The following SSBP2 variants were observed in gnomAD, a reference collection of about 807,000 sequenced individuals.
SSBP2 encodes single stranded DNA binding protein 2.
A neutral mutation model predicts 61.8 loss-of-function variants in SSBP2; 17 were observed. The ratio of observed to expected loss-of-function variants is 0.28; its 90% CI spans 0.19 to 0.41. SSBP2 has a LOEUF of 0.41. Among genes scored for constraint, SSBP2 ranks in the 10% least tolerant of loss-of-function variants. SSBP2 has a pLI of 1.00. For missense variants in SSBP2, 310 were observed against 458.7 expected, an observed-to-expected ratio of 0.68 and a Z score of 2.96; for synonymous variants, 139 against 141.3, an observed-to-expected ratio of 0.98 and a Z score of 0.12.
At chr5:81,442,532 A>G in intron 13 of SSBP2, 121 bp downstream of exon 13, 1 of 570,370 alleles carries the variant, frequency 1.8e-6, no homozygotes, top group Non-Finnish European at 3.1e-6. Flanking sequence ...TGACTTTTTG[A>G]ATATCTAATA....
At chr5:81,474,446 T>A in intron 7 of SSBP2, 50 bp downstream of exon 7, 1 of 1,509,560 alleles carries the variant, frequency 6.6e-7, no homozygotes, top group South Asian at 1.1e-5. Flanking sequence ...GATAAAAGAT[T>A]TCCTCTATGG....
In SSBP2 at chr5:81,707,467, G is replaced by A. The variant is rs535705129; in HGVS notation, c.62+43514C>T. On this transcript the variant is annotated intron_variant, in intron 1 of 16. Transcript: ENST00000320672. ...AAGGTGACATGAAGAGACACAGGGTGAGGTTGGTCAGTTCATCTATAAGGC... is the reference window on the plus strand; with the variant it reads ...AAGGTGACATGAAGAGACACAGGGTAAGGTTGGTCAGTTCATCTATAAGGC... Among the ~76,000 whole-genome samples, 3 of 152,252 alleles carry A rather than the reference G, an allele frequency of 2.0e-5. No individual in the cohort carries two copies. The East Asian group carries it at 5.8e-4, about 29-fold the overall frequency.
At chr5:81,623,694 A>G (rs1353242713) in intron 3 of SSBP2, among the ~76,000 whole-genome samples, 1 of 152,116 alleles carries the variant, frequency 6.6e-6, no homozygotes, top group Middle Eastern at 3.2e-3. Flanking sequence ...TAATTTATTG[A>G]TTTATTGTTG....
At chr5:81,688,312 T>C (rs1395304661) in intron 1 of SSBP2, among the ~76,000 whole-genome samples, 2 of 152,222 alleles carry the variant, frequency 1.3e-5, no homozygotes, top group African/African-American at 4.8e-5. Context: ...GGCTGCTGAA[T>C]GGCATCACTG....
intron 1 of SSBP2, among the ~76,000 whole-genome samples, chr5:81,726,913 A>G (rs1276190033): frequency 2.6e-5 from 4 of 152,240 alleles, no homozygotes; most frequent in Admixed American, 1.3e-4. Flanking sequence ...ACTTCAGCAC[A>G]TACCTTTTCC....
chr5:81,624,428 A>T (rs1359165242), intron 3 of SSBP2, among the ~76,000 whole-genome samples: 6 of 151,928 alleles, frequency 3.9e-5, no homozygotes, highest in Non-Finnish European at 7.4e-5. Flanking sequence ...TCAGATTTAA[A>T]TTTTTTTTGA....
At chr5:81,538,459 T>C (rs961350290) in intron 4 of SSBP2, among the ~76,000 whole-genome samples, 2 of 152,194 alleles carry the variant, frequency 1.3e-5, no homozygotes, top group African/African-American at 4.8e-5. Context: ...CACCAAGTTA[T>C]CCAGAAGATC....
At chr5:81,736,914 T>C (rs1756660847) in intron 1 of SSBP2, among the ~76,000 whole-genome samples, 1 of 152,216 alleles carries the variant, frequency 6.6e-6, no homozygotes, top group Non-Finnish European at 1.5e-5. Flanking sequence ...TGGGCAGTTA[T>C]TAATTTAGTT....
intron 9 of SSBP2, among the ~76,000 whole-genome samples, chr5:81,465,894 T>A (rs1366871088): frequency 6.6e-6 from 1 of 152,022 alleles, no homozygotes; most frequent in Non-Finnish European, 1.5e-5. Flanking sequence ...CTACTTTCCC[T>A]CCTGCTCTGT....
chr5:81,640,683 C>T (rs1212687439), intron 2 of SSBP2, among the ~76,000 whole-genome samples: 4 of 151,466 alleles, frequency 2.6e-5, no homozygotes, highest in African/African-American at 4.8e-5. Context: ...TATGTCTCAT[C>T]CTTCTCTCAA....
chr5:81,657,914 A>C (rs75927443), intron 1 of SSBP2, among the ~76,000 whole-genome samples: 8,406 of 152,096 alleles, frequency 0.055, 320 homozygotes, highest in South Asian at 0.12. Flanking sequence ...TTAATTGATA[A>C]ATAAAAATTG....
At chr5:81,468,909 AT>A (rs1348966004) in intron 8 of SSBP2, among the ~76,000 whole-genome samples, 2 of 151,994 alleles carry the variant, frequency 1.3e-5, no homozygotes, top group Non-Finnish European at 2.9e-5. Context: ...TGGATCAGGC[AT>A]GGTGGTGGCA....
chr5:81,655,050 T>G (rs1750086637), intron 1 of SSBP2, among the ~76,000 whole-genome samples: 1 of 152,038 alleles, frequency 6.6e-6, no homozygotes, highest in Non-Finnish European at 1.5e-5. Flanking sequence ...TTTGGGAGGC[T>G]GAGGCAGGAG....
chr5:81,415,108 C>T lies in SSBP2; in HGVS notation c.*5396G>A, dbSNP rs1561366034. ...CTTTAAACAAACACAGCCTCTGGCT[C>T]CTCATAGCAAACAATAAACTTATTC... On this transcript the variant is annotated 3_prime_UTR_variant, in exon 17 of 17. Transcript: ENST00000320672. 6.6e-6 allele frequency: 1 copy of T among 152,194 alleles called. No individual in the cohort carries two copies. Among genetic ancestry groups the T allele is most frequent in the Non-Finnish European group, 1.5e-5 (1 of 68,030 alleles). 9.4% of individuals were successfully genotyped at this position (152,194 alleles called of 1,614,324 possible). A position where few individuals can be genotyped will look rare whatever the true frequency, so the allele number is the denominator to read the frequency against.
At chr5:81,654,044 G>A (rs1312243968) in intron 1 of SSBP2, among the ~76,000 whole-genome samples, 1 of 151,250 alleles carries the variant, frequency 6.6e-6, no homozygotes, top group African/African-American at 2.4e-5. Context: ...TGGCTGGAGT[G>A]CAGTGGTGTG....
chr5:81,468,584 C>A (rs1001331074), intron 8 of SSBP2, among the ~76,000 whole-genome samples: 1 of 151,954 alleles, frequency 6.6e-6, no homozygotes. Context: ...ACCATACCCT[C>A]CAACCTACTG....
intron 4 of SSBP2, among the ~76,000 whole-genome samples, chr5:81,551,200 T>C (rs1772163017): frequency 2.0e-5 from 3 of 152,124 alleles, no homozygotes; most frequent in African/African-American, 4.8e-5. Flanking sequence ...ACAAATTATT[T>C]AGCCTATACA....
At chr5:81,717,967 G>A (rs916645630) in intron 1 of SSBP2, among the ~76,000 whole-genome samples, 8 of 152,154 alleles carry the variant, frequency 5.3e-5, no homozygotes, top group Non-Finnish European at 7.3e-5. Context: ...TACAGCTGAC[G>A]CATGCTGGTG....
chr5:81,711,748 G>A (rs1754794908), intron 1 of SSBP2, among the ~76,000 whole-genome samples: 1 of 151,912 alleles, frequency 6.6e-6, no homozygotes, highest in Non-Finnish European at 1.5e-5. Flanking sequence ...AGTATATGGA[G>A]GTAGATTAGC....
Sources: allele counts gnomAD v4.1 joint callset (sites outside exome capture counted in the v4.1 genomes callset), GRCh38; gene constraint gnomAD v4.1.1; transcripts MANE v1.5; gene names NCBI Gene and HGNC (gene_info 2026-07-23, HGNC 2026-07-21).